The following TENM2 variants were observed in gnomAD, a reference collection of about 807,000 sequenced individuals.
TENM2 encodes teneurin-2.
In TENM2, 52 loss-of-function variants were observed where a neutral mutation model predicts 245.2. The ratio of observed to expected loss-of-function variants is 0.21; its 90% CI spans 0.17 to 0.27. TENM2 has a LOEUF of 0.27. TENM2 is among the 10% of genes least tolerant of loss of function. The pLI is 1.00. For synonymous variants in TENM2, 1,363 were observed against 1,438.9 expected, an observed-to-expected ratio of 0.95 and a Z score of 1.19; for missense variants, 3,046 against 3,666.8, an observed-to-expected ratio of 0.83 and a Z score of 4.37.
At chr5:167,983,186 A>G (rs115801738) in intron 4 of TENM2, among the ~76,000 whole-genome samples, 2,701 of 151,308 alleles carry the variant, frequency 0.018, 81 homozygotes, top group African/African-American at 0.061. Flanking sequence ...AGAAGAAGAA[A>G]AAAAAAAAAG....
chr5:167,317,541 T>C (rs755746192), intron 1 of TENM2, among the ~76,000 whole-genome samples: 1 of 152,182 alleles, frequency 6.6e-6, no homozygotes, highest in Non-Finnish European at 1.5e-5. Flanking sequence ...TTTTGTGTGT[T>C]GTGCTCAACG....
At chr5:167,625,143 T>G (rs976463755) in intron 2 of TENM2, among the ~76,000 whole-genome samples, 23 of 152,176 alleles carry the variant, frequency 1.5e-4, no homozygotes, top group Non-Finnish European at 2.9e-4. Context: ...TGAGGGCTCA[T>G]CATCATCAGA....
At chr5:167,811,419 T>G (rs1296777474) in intron 2 of TENM2, among the ~76,000 whole-genome samples, 1 of 152,012 alleles carries the variant, frequency 6.6e-6, no homozygotes, top group Non-Finnish European at 1.5e-5. Flanking sequence ...CCATGTGAGG[T>G]GCAAGCTTCT....
intron 2 of TENM2, among the ~76,000 whole-genome samples, chr5:167,492,886 G>T (rs1231207092): frequency 1.3e-5 from 2 of 152,066 alleles, no homozygotes; most frequent in African/African-American, 4.8e-5. Flanking sequence ...TTCAGAACCA[G>T]TCTACAATGC....
upstream of TENM2, among the ~76,000 whole-genome samples, chr5:167,281,469 C>T (rs950915291): frequency 1.3e-5 from 2 of 152,092 alleles, no homozygotes; most frequent in African/African-American, 4.8e-5. Flanking sequence ...TATTTGCCAA[C>T]AGTCCGTGAG....
intron 2 of TENM2, among the ~76,000 whole-genome samples, chr5:167,454,185 T>G (rs1765768487): frequency 6.6e-6 from 1 of 152,250 alleles, no homozygotes; most frequent in Admixed American, 6.5e-5. Context: ...CTCAGTAATA[T>G]AAGAACAGAA....
the TENM2 span, among the ~76,000 whole-genome samples, chr5:167,109,613 A>G: frequency 6.6e-6 from 1 of 152,174 alleles, no homozygotes; most frequent in South Asian, 2.1e-4. Flanking sequence ...AAACCCTTTA[A>G]TACAACTCAC....
At chr5:167,097,327 C>T in the TENM2 span, among the ~76,000 whole-genome samples, 2 of 152,144 alleles carry the variant, frequency 1.3e-5, no homozygotes, top group Non-Finnish European at 2.9e-5. Flanking sequence ...AGATTTTCTT[C>T]CTTATTGATG....
the TENM2 span, among the ~76,000 whole-genome samples, chr5:167,037,739 A>G: frequency 6.6e-6 from 1 of 152,118 alleles, no homozygotes; most frequent in African/African-American, 2.4e-5. Context: ...CCGTAAAGGG[A>G]AAGTGACATT....
intron 1 of TENM2, among the ~76,000 whole-genome samples, chr5:167,349,246 T>G (rs1758665700): frequency 6.6e-6 from 1 of 152,214 alleles, no homozygotes; most frequent in Non-Finnish European, 1.5e-5. Flanking sequence ...GCACGTCATC[T>G]AATAGATCTA....
intron 2 of TENM2, among the ~76,000 whole-genome samples, chr5:167,654,163 G>C (rs1051557993): frequency 2.0e-5 from 3 of 151,928 alleles, no homozygotes; most frequent in Non-Finnish European, 2.9e-5. Flanking sequence ...GTTCAATGCG[G>C]TTTTTCTCTA....
intron 2 of TENM2, among the ~76,000 whole-genome samples, chr5:167,686,786 G>T (rs1757104745): frequency 6.6e-6 from 1 of 152,194 alleles, no homozygotes; most frequent in African/African-American, 2.4e-5. Flanking sequence ...GGAACCTCAA[G>T]AAATGAGGCT....
At chr5:167,971,444 TA>T (rs1781776915) in intron 4 of TENM2, among the ~76,000 whole-genome samples, 1 of 152,150 alleles carries the variant, frequency 6.6e-6, no homozygotes, top group Admixed American at 6.5e-5. Context: ...CTCACACCTG[TA>T]ATCCCAGAAC....
At chr5:167,116,977 A>G in the TENM2 span, among the ~76,000 whole-genome samples, 1 of 152,220 alleles carries the variant, frequency 6.6e-6, no homozygotes, top group African/African-American at 2.4e-5. Flanking sequence ...TCGTTATTCA[A>G]ATGCAGTTCA....
chr5:167,904,331 C>T (rs1775927271), intron 3 of TENM2, among the ~76,000 whole-genome samples: 1 of 152,116 alleles, frequency 6.6e-6, no homozygotes, highest in African/African-American at 2.4e-5. Context: ...TGAGCAATCA[C>T]CTAGACTCTA....
At chr5:167,667,709 C>T (rs1755664630) in intron 2 of TENM2, among the ~76,000 whole-genome samples, 1 of 152,196 alleles carries the variant, frequency 6.6e-6, no homozygotes, top group Non-Finnish European at 1.5e-5. Context: ...CTAATGTCCA[C>T]TCCTGTTCTT....
At chr5:167,893,881 C>G (rs942356175) in intron 3 of TENM2, among the ~76,000 whole-genome samples, 1 of 152,064 alleles carries the variant, frequency 6.6e-6, no homozygotes, top group Non-Finnish European at 1.5e-5. Flanking sequence ...AAGATCCAAG[C>G]AATTATGCCT....
At chr5:167,882,880 A>T (rs564291786) in intron 3 of TENM2, among the ~76,000 whole-genome samples, 1 of 152,262 alleles carries the variant, frequency 6.6e-6, no homozygotes, top group Non-Finnish European at 1.5e-5. Context: ...ATCTGATTAG[A>T]TTGAGCATTG....
At chr5:167,897,017 A>G (rs1775276836) in intron 3 of TENM2, among the ~76,000 whole-genome samples, 1 of 152,198 alleles carries the variant, frequency 6.6e-6, no homozygotes, top group Admixed American at 6.5e-5. Flanking sequence ...AATGAGCTTA[A>G]CTCGGTTGGT....
Sources: allele counts gnomAD v4.1 joint callset (sites outside exome capture counted in the v4.1 genomes callset), GRCh38; gene constraint gnomAD v4.1.1; transcripts MANE v1.5; gene names NCBI Gene and HGNC (gene_info 2026-07-23, HGNC 2026-07-21).